ZNF44: variants seen among roughly 807,000 people sequenced by gnomAD.
The protein encoded by ZNF44 is gonadotropin inducible transcription repressor-2.
ZNF44 carries 9 observed loss-of-function variants against 11.7 expected under a neutral mutation model. The observed-to-expected ratio is 0.77, with a 90% CI of 0.46 to 1.35. The LOEUF (loss-of-function observed/expected upper bound fraction) is 1.35. Among genes scored for constraint, ZNF44 ranks in the 40% most tolerant of loss-of-function variants. The pLI, the probability that ZNF44 is intolerant of heterozygous loss-of-function variation, is 0.00. For synonymous variants in ZNF44, 224 were observed against 242.7 expected (o/e 0.92, Z 0.72); for missense variants, 696 against 743.1 (o/e 0.94, Z 0.74).
At chr19:12,236,176 T>C (rs996076546) in intron 1 of ZNF44, among the ~76,000 whole-genome samples, 3 of 152,206 alleles carry the variant, frequency 2.0e-5, no homozygotes, top group Admixed American at 6.5e-5. Flanking sequence ...ATTGGAAATT[T>C]AGGAATTCAT....
intron 5 of ZNF44, among the ~76,000 whole-genome samples, chr19:12,255,096 A>G (rs903061611): frequency 1.6e-5 from 1 of 63,988 alleles, no homozygotes; most frequent in Non-Finnish European, 3.3e-5. Flanking sequence ...CTCAAAACAC[A>G]CACACACACA....
chr19:12,250,413 C>T (rs774212082), intron 5 of ZNF44: 2 of 1,304,066 alleles, frequency 1.5e-6, no homozygotes, highest in Middle Eastern at 2.2e-4. Context: ...GTGAGACTGA[C>T]AGCACTGGAC....
intron 5 of ZNF44, among the ~76,000 whole-genome samples, chr19:12,254,082 A>G (rs1917139492): frequency 6.6e-6 from 1 of 151,954 alleles, no homozygotes. Flanking sequence ...CAGTATACAC[A>G]TACTTCTCAA....
intron 5 of ZNF44, chr19:12,260,646 A>T: frequency 3.3e-6 from 2 of 608,480 alleles, no homozygotes; most frequent in South Asian, 4.1e-5. Flanking sequence ...AAACACAGGT[A>T]GGTCCTTGCC....
upstream of ZNF44, among the ~76,000 whole-genome samples, chr19:12,239,581 T>C (rs1297552859): frequency 7.1e-6 from 1 of 140,358 alleles, no homozygotes; most frequent in Non-Finnish European, 1.6e-5. Context: ...TTTTTTTTTT[T>C]TTTTTTTTTT....
chr19:12,256,009 C>G (rs1418015721), intron 5 of ZNF44, among the ~76,000 whole-genome samples: 1 of 134,280 alleles, frequency 7.4e-6, no homozygotes, highest in Non-Finnish European at 1.5e-5. Context: ...TGCACTCCAG[C>G]CTGGGCAACA....
chr19:12,293,163 C>T, intron 1 of ZNF44: 1 of 1,489,206 alleles, frequency 6.7e-7, no homozygotes, highest in Non-Finnish European at 9.0e-7. Context: ...AGCCACCGCG[C>T]CCAGCCCAGG....
At chr19:12,268,386 T>A (rs540008864), downstream of ZNF44, among the ~76,000 whole-genome samples, 20 of 152,106 alleles carry the variant, frequency 1.3e-4, no homozygotes, top group Admixed American at 1.3e-3. Context: ...TTGTAGAAAA[T>A]CAACAGACCA....
rs1334658360 is a variant in ZNF44 at position 12,272,484 on chromosome 19, T to TA, written c.1770dup (p.Lys591Ter). On this transcript the variant is annotated frameshift_variant, in exon 4 of 4. Coordinates refer to ENST00000355684, the MANE Select transcript of ZNF44 (RefSeq NM_016264.4). LOFTEE classifies it low-confidence loss of function (END_TRUNC). ...GAACTGAAGGCTTTCCCACATTCCT[T>TA]ACATTCATAGGGCTTCTCTCCAGTG... 1 of 1,606,542 alleles carries TA rather than the reference T, an allele frequency of 6.2e-7. No individual in the cohort carries two copies. The highest frequency in any genetic ancestry group is 1.1e-5 in the South Asian group (1 of 89,680).
chr19:12,294,055 T>C (rs1488367436), intron 1 of ZNF44, among the ~76,000 whole-genome samples: 1 of 152,236 alleles, frequency 6.6e-6, no homozygotes, highest in African/African-American at 2.4e-5. Flanking sequence ...GCTTCCCCAT[T>C]GGCCTGGGGA....
chr19:12,225,995 G>GA (rs1462105122), downstream of ZNF44, among the ~76,000 whole-genome samples: 2 of 152,136 alleles, frequency 1.3e-5, no homozygotes, highest in African/African-American at 4.8e-5. Context: ...AAAATAGTAA[G>GA]AATTGAAAAA....
At chr19:12,281,233 T>C (rs572004998) in intron 1 of ZNF44, among the ~76,000 whole-genome samples, 1 of 152,176 alleles carries the variant, frequency 6.6e-6, no homozygotes, top group African/African-American at 2.4e-5. Context: ...TTTTAAAGTA[T>C]GCGATCAAAT....
chr19:12,247,017 A>G (rs1299559433), downstream of ZNF44, among the ~76,000 whole-genome samples: 1 of 151,202 alleles, frequency 6.6e-6, no homozygotes, highest in South Asian at 2.1e-4. Flanking sequence ...ATATATACGT[A>G]TATATATACA....
chr19:12,250,174 C>T, intron 6 of ZNF44: 1 of 1,275,384 alleles, frequency 7.8e-7, no homozygotes, highest in Non-Finnish European at 1.0e-6. Context: ...CTTGGAATAG[C>T]ATTGATATCC....
chr19:12,250,106 G>A, intron 6 of ZNF44: 1 of 1,244,334 alleles, frequency 8.0e-7, no homozygotes, highest in Non-Finnish European at 1.0e-6. Context: ...TTAGATTCTA[G>A]GTCCATATGT....
At chr19:12,281,729 G>C (rs1967482613) in intron 1 of ZNF44, among the ~76,000 whole-genome samples, 1 of 152,070 alleles carries the variant, frequency 6.6e-6, no homozygotes, top group African/African-American at 2.4e-5. Flanking sequence ...ACAGTAAAAT[G>C]ACCATAAAAA....
chr19:12,294,066 T>G (rs1968131515), intron 1 of ZNF44, among the ~76,000 whole-genome samples: 1 of 152,212 alleles, frequency 6.6e-6, no homozygotes, highest in African/African-American at 2.4e-5. Flanking sequence ...GGCCTGGGGA[T>G]AAGATCTCTG....
intron 5 of ZNF44, among the ~76,000 whole-genome samples, chr19:12,251,993 G>A (rs142145516): frequency 5.2e-4 from 79 of 151,380 alleles, no homozygotes; most frequent in Admixed American, 1.8e-3. Flanking sequence ...AGAGGTTGCC[G>A]TGAGCCTAGA....
rs1319723863 is a variant in ZNF44, at chr19:12,273,308, T to C, written c.947A>G (p.Lys316Arg). 1 of 1,613,966 alleles carries C rather than the reference T, an allele frequency of 6.2e-7. No homozygotes were observed. The highest frequency in any genetic ancestry group is 1.3e-5 in the African/African-American group (1 of 74,900). Residue 316 changes from lysine to arginine, a missense_variant, in exon 4 of 4, where the codon AAA becomes AGA. Physicochemically the swap from Lys to Arg is conservative, Grantham distance 26. Transcript: ENST00000355684. ...AAAGCTTCCAAGATGACAAAACGCT[T>C]TCCCACACTGTTTACATGTATAGGG... Reference protein sequence around the residue: ...EKPYTCKQCGKAFCHLGSFQR... With the variant: ...EKPYTCKQCGRAFCHLGSFQR...
Sources: gnomAD v4.1 joint callset for allele counts (sites outside exome capture counted in the v4.1 genomes callset) on GRCh38, gnomAD v4.1.1 for gene constraint, MANE v1.5 for transcripts, NCBI Gene and HGNC (gene_info 2026-07-23, HGNC 2026-07-21) for gene names.